The following ZNF469 variants were observed in gnomAD, a reference collection of about 807,000 sequenced individuals.
ZNF469 encodes the protein zinc finger protein 469.
ZNF469 carries 1 observed loss-of-function variant against 1.0 expected under a neutral mutation model. That is an observed-to-expected ratio of 1.00 (90% CI 0.35 to 4.73). The LOEUF (loss-of-function observed/expected upper bound fraction) is 4.73. Ranked by LOEUF, ZNF469 falls within the 30% of genes most tolerant of loss-of-function variation. ZNF469 has a pLI of 0.16. For missense variants in ZNF469, 6,100 were observed against 5,356.3 expected (o/e 1.14, Z -4.33); for synonymous variants, 2,703 against 2,363.4 (o/e 1.14, Z -4.17).
chr16:88,277,490 T>C, the ZNF469 span, among the ~76,000 whole-genome samples: 7 of 42,504 alleles, frequency 1.6e-4, no homozygotes, highest in African/African-American at 2.7e-4. Flanking sequence ...TGTGCCACGC[T>C]GACACTCGGT....
At chr16:88,206,641 A>G in the ZNF469 span, among the ~76,000 whole-genome samples, 1 of 151,122 alleles carries the variant, frequency 6.6e-6, no homozygotes, top group South Asian at 2.1e-4. Flanking sequence ...GTTTGTCACG[A>G]CTCGACTCTG....
rs371360186 is a variant in ZNF469, at chr16:88,426,398, G to C, written c.-126-947G>C. Among the ~76,000 whole-genome samples, 33 of 152,400 alleles carry C rather than the reference G, an allele frequency of 2.2e-4. No homozygotes were observed. The East Asian group carries it at 6.2e-3, about 28-fold the overall frequency. On this transcript the variant is annotated intron_variant, in intron 2 of 2. Transcript: ENST00000565624. Reference sequence around the variant, plus strand: ...AAGGGGCCCCCACACGGAGCGGCCTGCGCACCTCGTGGCCACAGCCAATGG... The same window carrying C: ...AAGGGGCCCCCACACGGAGCGGCCTCCGCACCTCGTGGCCACAGCCAATGG...
chr16:88,422,385 G>C (rs1259487952), intron 1 of ZNF469, among the ~76,000 whole-genome samples: 1 of 137,214 alleles, frequency 7.3e-6, no homozygotes, highest in East Asian at 2.5e-4. Flanking sequence ...GAATGAATGG[G>C]TGAATGGGTG....
At chr16:88,167,128 C>A in the ZNF469 span, among the ~76,000 whole-genome samples, 3 of 128,152 alleles carry the variant, frequency 2.3e-5, no homozygotes, top group Non-Finnish European at 3.1e-5. Context: ...GTGGTGTGAT[C>A]TTGGCTCACT....
Position 88,429,895 on chromosome 16 carries a change from G to A in ZNF469, c.2425G>A (p.Asp809Asn). ...LAGDAQAEGK[D>N]DPLRTGFLPS... is the part of the protein sequence containing the mutation. ...TGGGGACGCCCAGGCCGAGGGCAAA[G>A]ACGACCCCCTGAGGACAGGCTTCCT... Residue 809 changes from aspartate to asparagine, a missense_variant, in exon 3 of 3, where the codon GAC becomes AAC. Coordinates refer to ENST00000565624, the MANE Select transcript of ZNF469 (RefSeq NM_001367624.2). The A allele has an allele frequency of 6.5e-7, 1 of 1,550,194 alleles. No individual in the cohort carries two copies. The highest frequency in any genetic ancestry group is 8.7e-7 in the Non-Finnish European group (1 of 1,146,892).
chr16:88,192,785 T>TGGTGGTG, the ZNF469 span, among the ~76,000 whole-genome samples: 8 of 150,712 alleles, frequency 5.3e-5, no homozygotes, highest in African/African-American at 7.3e-5. Flanking sequence ...ATGGTGGTGA[T>TGGTGGTG]AGTGGTGATG....
At chr16:88,212,114 C>G in the ZNF469 span, among the ~76,000 whole-genome samples, 1 of 152,346 alleles carries the variant, frequency 6.6e-6, no homozygotes, top group African/African-American at 2.4e-5. Context: ...TTAAAGTTGC[C>G]TGCTATTTTT....
Position 88,429,982 on chromosome 16 carries a change from G to C in ZNF469, c.2512G>C (p.Ala838Pro). 2 of 1,550,376 alleles carry C rather than the reference G, an allele frequency of 1.3e-6. No homozygotes were observed. Among genetic ancestry groups the C allele is most frequent in the Non-Finnish European group, 1.7e-6 (2 of 1,146,972 alleles). The change falls in exon 3 of 3, where the codon GCC becomes CCC. Residue 838 changes from alanine (A) to proline (P), a missense_variant. Physicochemically the swap from Ala to Pro is conservative, Grantham distance 27. Coordinates refer to ENST00000565624, the MANE Select transcript of ZNF469 (RefSeq NM_001367624.2). ...PASDLDMEDD[A>P]KLDSLITEAL... Reference sequence around the variant, plus strand: ...CTCGGACCTGGACATGGAGGATGACGCCAAGCTGGACAGCCTCATCACAGA... The same window carrying C: ...CTCGGACCTGGACATGGAGGATGACCCCAAGCTGGACAGCCTCATCACAGA...
intron 1 of ZNF469, among the ~76,000 whole-genome samples, chr16:88,404,947 T>G (rs1904985899): frequency 6.6e-6 from 1 of 152,142 alleles, no homozygotes; most frequent in Non-Finnish European, 1.5e-5. Context: ...TTGGCTCACA[T>G]AACCAGGCTG....
chr16:88,369,038 C>A, the ZNF469 span, among the ~76,000 whole-genome samples: 1 of 151,568 alleles, frequency 6.6e-6, no homozygotes, highest in Non-Finnish European at 1.5e-5. Flanking sequence ...GAGATTGCAC[C>A]ACTGCACTAC....
chr16:88,161,689 C>T, the ZNF469 span, among the ~76,000 whole-genome samples: 1 of 152,122 alleles, frequency 6.6e-6, no homozygotes, highest in East Asian at 1.9e-4. Flanking sequence ...GAATGTTGTG[C>T]CAGAAAACAT....
At chr16:88,114,272 AT>A in the ZNF469 span, among the ~76,000 whole-genome samples, 1 of 120,640 alleles carries the variant, frequency 8.3e-6, no homozygotes, top group Admixed American at 9.0e-5. Context: ...TCCGGGGAGA[AT>A]GACAGGGACC....
the ZNF469 span, among the ~76,000 whole-genome samples, chr16:88,119,918 AGAGCCGTCTGTG>A: frequency 1.3e-5 from 2 of 152,198 alleles, no homozygotes; most frequent in African/African-American, 4.8e-5. Flanking sequence ...TTGCAAAGCG[AGAGCCGTCTGTG>A]GAGTCCTGGC....
chr16:88,257,297 G>C, the ZNF469 span, among the ~76,000 whole-genome samples: 3 of 151,928 alleles, frequency 2.0e-5, no homozygotes, highest in South Asian at 4.2e-4. Flanking sequence ...TTTGCCATCT[G>C]TGTATCTTCT....
the ZNF469 span, among the ~76,000 whole-genome samples, chr16:88,361,771 T>C: frequency 6.6e-6 from 1 of 152,210 alleles, no homozygotes; most frequent in Non-Finnish European, 1.5e-5. Flanking sequence ...CCTAAGATAC[T>C]TTCTCCAATC....
the ZNF469 span, among the ~76,000 whole-genome samples, chr16:88,300,322 C>T: frequency 6.9e-3 from 1,054 of 152,234 alleles, 13 homozygotes; most frequent in African/African-American, 0.024. Context: ...TCGGGAGACC[C>T]AAGTTTAAAG....
At chr16:88,423,050 T>G (rs1905546511) in intron 1 of ZNF469, among the ~76,000 whole-genome samples, 1 of 149,654 alleles carries the variant, frequency 6.7e-6, no homozygotes, top group Non-Finnish European at 1.5e-5. Context: ...GGTGGGTGGA[T>G]GGATGGGTAG....
the ZNF469 span, among the ~76,000 whole-genome samples, chr16:88,346,777 G>A: frequency 6.6e-6 from 1 of 152,250 alleles, no homozygotes. Flanking sequence ...GGGCGGCCCT[G>A]TGTGTGCGTC....
chr16:88,261,419 A>G, the ZNF469 span, among the ~76,000 whole-genome samples: 2 of 152,120 alleles, frequency 1.3e-5, no homozygotes, highest in African/African-American at 4.8e-5. This position sits in a 1 kb window ranked among gnomAD's most constrained non-coding sequence, Gnocchi z 6.0. Context: ...CCTGGAATGC[A>G]CAGTAGGTCA....
Sources: gnomAD v4.1 joint callset for allele counts (sites outside exome capture counted in the v4.1 genomes callset) on GRCh38, gnomAD v4.1.1 for gene constraint, Gnocchi (gnomAD v3.1) non-coding constraint, MANE v1.5 for transcripts, NCBI Gene and HGNC (gene_info 2026-07-23, HGNC 2026-07-21) for gene names.